The following KLF12 variants were observed in gnomAD, a reference collection of about 807,000 sequenced individuals.
KLF12 encodes the protein Krueppel-like factor 12.
In KLF12, 9 loss-of-function variants were observed where a neutral mutation model predicts 37.8. That is an observed-to-expected ratio of 0.24 (90% CI 0.14 to 0.42). The LOEUF is 0.42. KLF12 is among the 10% of genes least tolerant of loss of function. KLF12 has a pLI of 1.00. For synonymous variants in KLF12, 208 were observed against 202.1 expected, an observed-to-expected ratio of 1.03 and a Z score of -0.25; for missense variants, 411 against 516.0, an observed-to-expected ratio of 0.80 and a Z score of 1.97.
At chr13:74,271,775 C>A in the KLF12 span, among the ~76,000 whole-genome samples, 12 of 152,272 alleles carry the variant, frequency 7.9e-5, no homozygotes, top group East Asian at 3.9e-4. Flanking sequence ...ATGGTATACA[C>A]AATGTCATCA....
At chr13:73,960,908 A>C (rs1490245572) in intron 2 of KLF12, among the ~76,000 whole-genome samples, 1 of 152,144 alleles carries the variant, frequency 6.6e-6, no homozygotes, top group Non-Finnish European at 1.5e-5. Flanking sequence ...TAGCATCCTT[A>C]AAAAAGAAAT....
intron 1 of KLF12, among the ~76,000 whole-genome samples, chr13:74,133,330 C>G (rs1406231890): frequency 1.3e-5 from 2 of 151,748 alleles, no homozygotes; most frequent in Non-Finnish European, 2.9e-5. Flanking sequence ...CCCTCCCCCC[C>G]AAGTTCAGCC....
the KLF12 span, among the ~76,000 whole-genome samples, chr13:74,299,340 T>C: frequency 2.0e-5 from 3 of 152,324 alleles, no homozygotes; most frequent in East Asian, 5.8e-4. Flanking sequence ...CAATGTGACC[T>C]GGCTCAGGCT....
intron 1 of KLF12, among the ~76,000 whole-genome samples, chr13:74,091,327 T>C (rs1875644614): frequency 6.6e-6 from 1 of 152,214 alleles, no homozygotes; most frequent in South Asian, 2.1e-4. Flanking sequence ...GATTTTTAGA[T>C]ATGACACCAA....
intron 3 of KLF12, among the ~76,000 whole-genome samples, chr13:73,939,150 G>T (rs1007116428): frequency 1.3e-5 from 2 of 152,184 alleles, no homozygotes; most frequent in Non-Finnish European, 2.9e-5. Context: ...CTTGCAGTTA[G>T]TGTAGACACT....
chr13:73,722,015 G>C (rs962618019), intron 6 of KLF12, among the ~76,000 whole-genome samples: 1 of 152,082 alleles, frequency 6.6e-6, no homozygotes, highest in Non-Finnish European at 1.5e-5. Context: ...GTACCAAAAA[G>C]AATTGAGTTG....
intron 1 of KLF12, among the ~76,000 whole-genome samples, chr13:74,127,080 T>C (rs372038109): frequency 2.0e-5 from 3 of 152,294 alleles, no homozygotes; most frequent in African/African-American, 4.8e-5. Flanking sequence ...TCATAGCTCG[T>C]TGTAGCCCTG....
At chr13:73,788,729 T>G (rs1881498646) in intron 5 of KLF12, among the ~76,000 whole-genome samples, 1 of 152,194 alleles carries the variant, frequency 6.6e-6, no homozygotes, top group African/African-American at 2.4e-5. Flanking sequence ...CATTTCAATT[T>G]TATACATTAA....
intron 7 of KLF12, among the ~76,000 whole-genome samples, chr13:73,706,519 G>C (rs1016887454): frequency 6.6e-6 from 1 of 152,192 alleles, no homozygotes; most frequent in Non-Finnish European, 1.5e-5. Context: ...CTCCATGATA[G>C]GTTAAAATGA....
chr13:73,826,381 T>C (rs989834645), intron 4 of KLF12, among the ~76,000 whole-genome samples: 1 of 152,192 alleles, frequency 6.6e-6, no homozygotes, highest in Non-Finnish European at 1.5e-5. Flanking sequence ...TAAAAGAAAA[T>C]ATAAACAACC....
the KLF12 span, among the ~76,000 whole-genome samples, chr13:74,176,866 T>A: frequency 6.6e-6 from 1 of 152,224 alleles, no homozygotes; most frequent in African/African-American, 2.4e-5. Flanking sequence ...TGAGCAACTC[T>A]ACCTAGGTCC....
At chr13:73,912,367 T>C (rs543824087) in intron 3 of KLF12, among the ~76,000 whole-genome samples, 1 of 152,248 alleles carries the variant, frequency 6.6e-6, no homozygotes, top group East Asian at 1.9e-4. Flanking sequence ...CCTCAGTACC[T>C]CTGAATGTGA....
the KLF12 span, among the ~76,000 whole-genome samples, chr13:74,226,605 C>G: frequency 6.6e-6 from 1 of 152,090 alleles, no homozygotes; most frequent in African/African-American, 2.4e-5. Flanking sequence ...AAAATCAACC[C>G]AACCCATATC....
chr13:73,843,706 T>C (rs1884869106), intron 4 of KLF12, among the ~76,000 whole-genome samples: 1 of 152,222 alleles, frequency 6.6e-6, no homozygotes, highest in South Asian at 2.1e-4. Flanking sequence ...TGAGATTAAA[T>C]AACTTTCCCA....
chr13:73,747,526 A>T (rs773665843), intron 6 of KLF12, among the ~76,000 whole-genome samples: 12 of 152,334 alleles, frequency 7.9e-5, no homozygotes, highest in South Asian at 2.1e-4. Flanking sequence ...GTCAAAGTAC[A>T]TTTTAGCTAG....
Position 74,000,663 on chromosome 13 carries a change from G to C in KLF12, c.-31-5610C>G, listed in dbSNP as rs777208536. 5.3e-5 allele frequency among the ~76,000 whole-genome samples: 8 copies of C among 152,134 alleles called. 1 individual carries two copies. Among genetic ancestry groups the C allele is most frequent in the Non-Finnish European group, 1.0e-4 (7 of 68,014 alleles). On this transcript the variant is annotated intron_variant, in intron 1 of 7. Coordinates refer to ENST00000377669, the MANE Select transcript of KLF12 (RefSeq NM_007249.5). Reference sequence around the variant, plus strand: ...CCCCAAAGCTTGAGCAGTCACTTAAGAACAGAGCTCACTGAATACACAGCC... The same window carrying C: ...CCCCAAAGCTTGAGCAGTCACTTAACAACAGAGCTCACTGAATACACAGCC...
the KLF12 span, among the ~76,000 whole-genome samples, chr13:74,273,599 A>G: frequency 2.0e-5 from 3 of 152,244 alleles, no homozygotes; most frequent in East Asian, 3.9e-4. Flanking sequence ...TGCAATACTC[A>G]GTAAAAATAC....
At chr13:73,769,466 T>A (rs2138105782) in intron 5 of KLF12, among the ~76,000 whole-genome samples, 1 of 152,258 alleles carries the variant, frequency 6.6e-6, no homozygotes, top group Non-Finnish European at 1.5e-5. Flanking sequence ...TGCTTGAACC[T>A]CCTCCTCTCA....
chr13:73,990,639 A>C (rs947976468), intron 2 of KLF12, among the ~76,000 whole-genome samples: 3 of 152,216 alleles, frequency 2.0e-5, no homozygotes, highest in Non-Finnish European at 2.9e-5. Context: ...TTCTAACAAA[A>C]AGTCAAAAGA....
Sources: gnomAD v4.1 joint callset for allele counts (sites outside exome capture counted in the v4.1 genomes callset) on GRCh38, gnomAD v4.1.1 for gene constraint, MANE v1.5 for transcripts, NCBI Gene and HGNC (gene_info 2026-07-23, HGNC 2026-07-21) for gene names.